ZFP36L1: variants seen among roughly 807,000 people sequenced by gnomAD.
The protein encoded by ZFP36L1 is mRNA decay activator protein ZFP36L1.
ZFP36L1 carries 4 observed loss-of-function variants against 16.7 expected under a neutral mutation model. The ratio of observed to expected loss-of-function variants is 0.24; its 90% CI spans 0.12 to 0.55. The LOEUF is 0.55. Among genes scored for constraint, ZFP36L1 ranks in the 20% least tolerant of loss-of-function variants. The probability of loss-of-function intolerance (pLI) is 0.94; values close to 1 mark genes in which losing one functional copy is unlikely to be tolerated. For synonymous variants in ZFP36L1, 220 were observed against 190.8 expected, an observed-to-expected ratio of 1.15 and a Z score of -1.26; for missense variants, 311 against 449.2, an observed-to-expected ratio of 0.69 and a Z score of 2.78.
intron 1 of ZFP36L1, among the ~76,000 whole-genome samples, chr14:68,791,929 G>A (rs981272511): frequency 6.6e-6 from 1 of 152,188 alleles, no homozygotes. Context: ...GACGTGTTAA[G>A]AGAAGGCAAA....
intron 1 of ZFP36L1, chr14:68,791,071 GA>G: frequency 1.4e-6 from 1 of 702,048 alleles, no homozygotes; most frequent in Non-Finnish European, 2.6e-6. Flanking sequence ...TTCTTGTGGG[GA>G]GGAGATTGGG....
At chr14:68,796,108 C>T (rs765641040), upstream of ZFP36L1, 2 of 1,362,900 alleles carry the variant, frequency 1.5e-6, no homozygotes, top group South Asian at 2.3e-5. Flanking sequence ...AGGCGGTGGG[C>T]CGGCTCCTCT....
At position 68,789,238 on chromosome 14, in the gene ZFP36L1, A is replaced by T; in HGVS notation, c.*295T>A. The T allele has an allele frequency of 2.7e-6, 1 of 368,188 alleles. No homozygotes were observed. The highest frequency in any genetic ancestry group is 5.0e-6 in the Non-Finnish European group (1 of 200,988). 22.8% of individuals were successfully genotyped at this position (368,188 alleles called of 1,614,324 possible). ...CTTAAGGCTTAAGCCGGAAAAAAAA[A>T]GGCATCTACTGACAAAATATGGGAC... is the stretch of plus-strand genomic sequence containing the variant. On this transcript the variant is annotated 3_prime_UTR_variant, in exon 2 of 2. Transcript: ENST00000439696. The surrounding 1 kb of genome is among the most constrained non-coding windows in gnomAD (Gnocchi z 4.5).
rs755580988 is a variant in ZFP36L1, at chr14:68,792,870, G to GCC, written c.57+10_57+11dup. The GCC allele has an allele frequency of 6.2e-7, 1 of 1,613,976 alleles. No homozygotes were observed. The highest frequency in any genetic ancestry group is 8.5e-7 in the Non-Finnish European group (1 of 1,179,928). On this transcript the variant is annotated intron_variant, in intron 1 of 1. Transcript: ENST00000439696. The stretch of plus-strand genomic sequence containing the variant: ...AGACTTTTTGAAAAGCAAATGCTCC[G>GCC]CCCCCCTTTACCTTGCATAAAACTT...
Position 68,790,495 on chromosome 14 carries a change from G to A in ZFP36L1, c.58-3C>T, listed in dbSNP as rs781601300. Reference sequence around the variant, plus strand: ...CTATAGTTGAGCATCTTGTTACCCTGGAGAGAGAAGAGAAAGGATGGTAAG... The same window carrying A: ...CTATAGTTGAGCATCTTGTTACCCTAGAGAGAGAAGAGAAAGGATGGTAAG... On this transcript the variant is annotated splice_polypyrimidine_tract_variant and splice_region_variant and intron_variant, in intron 1 of 1. Coordinates refer to ENST00000439696, the MANE Select transcript of ZFP36L1 (RefSeq NM_004926.4). The A allele has an allele frequency of 1.7e-5, 27 of 1,613,710 alleles. No individual in the cohort carries two copies. Among genetic ancestry groups the A allele is most frequent in the Middle Eastern group, 1.6e-4 (1 of 6,084 alleles).
intron 1 of ZFP36L1, 61 bp downstream of exon 1, chr14:68,792,821 G>C: frequency 2.5e-6 from 4 of 1,609,882 alleles, no homozygotes; most frequent in East Asian, 4.5e-5. Flanking sequence ...ACTTTTGGGG[G>C]TTCTTTCTTA....
At chr14:68,792,149 G>T (rs1895092998) in intron 1 of ZFP36L1, among the ~76,000 whole-genome samples, 1 of 151,904 alleles carries the variant, frequency 6.6e-6, no homozygotes. Flanking sequence ...TTACTCGCGG[G>T]ACTCTCGAGT....
intron 1 of ZFP36L1, among the ~76,000 whole-genome samples, chr14:68,792,497 A>G (rs1228952773): frequency 6.6e-6 from 1 of 152,240 alleles, no homozygotes; most frequent in Admixed American, 6.5e-5. Flanking sequence ...ATGCCGCTGG[A>G]CAGACCTAGG....
In ZFP36L1 at chr14:68,789,701, G is replaced by C. The variant is rs773306460; in HGVS notation, c.849C>G (p.Ser283=). Residue 283 remains serine, a synonymous_variant, in exon 2 of 2, where the codon TCC becomes TCG. Transcript: ENST00000439696. The surrounding 1 kb of genome is among the most constrained non-coding windows in gnomAD (Gnocchi z 4.5). ...SPTTFLFRPM[S]ESPHMFDSPP... ...GAGAGTCAAACATGTGAGGGGACTC[G>C]GACATGGGCCGGAAGAGGAAGGTGG... 3.7e-6 allele frequency: 6 copies of C among 1,613,984 alleles called. No homozygotes were observed. In the Admixed American group the frequency reaches 5.0e-5, roughly 13 times the overall value.
chr14:68,790,911 G>A, intron 1 of ZFP36L1: 2 of 586,224 alleles, frequency 3.4e-6, no homozygotes, highest in Non-Finnish European at 6.1e-6. Flanking sequence ...CCTCAGAAAG[G>A]AGTCTATCAT....
At chr14:68,795,998 G>C (rs1895244691), upstream of ZFP36L1, 1 of 1,320,888 alleles carries the variant, frequency 7.6e-7, no homozygotes. Flanking sequence ...GTGCGTGGCC[G>C]TCCCCCGCCA....
intron 1 of ZFP36L1, 151 bp downstream of exon 1, chr14:68,792,731 C>T (rs1396286135): frequency 1.7e-6 from 2 of 1,171,152 alleles, no homozygotes; most frequent in Middle Eastern, 2.8e-4. Flanking sequence ...GGGCCAAATT[C>T]CTTCAAACTT....
chr14:68,795,186 G>A (rs1895214876), upstream of ZFP36L1, among the ~76,000 whole-genome samples: 1 of 152,196 alleles, frequency 6.6e-6, no homozygotes, highest in Non-Finnish European at 1.5e-5. Flanking sequence ...TTGGTGATGA[G>A]GTAATGAGTT....
Position 68,789,079 on chromosome 14 carries a change from G to A in ZFP36L1, c.*454C>T, listed in dbSNP as rs1311422178. The stretch of plus-strand genomic sequence containing the variant: ...TGGTTCCGGGTCTCCACCCCGCCAT[G>A]GGCAGAGGCTCCGGGAGGCCCACGG... On this transcript the variant is annotated 3_prime_UTR_variant, in exon 2 of 2. Coordinates refer to ENST00000439696, the MANE Select transcript of ZFP36L1 (RefSeq NM_004926.4). The surrounding 1 kb of genome is among the most constrained non-coding windows in gnomAD (Gnocchi z 4.5). 1 of 159,138 alleles carries A rather than the reference G, an allele frequency of 6.3e-6. No individual in the cohort carries two copies. The highest frequency in any genetic ancestry group is 2.4e-5 in the African/African-American group (1 of 41,536). The allele number at this position is 159,138 out of a possible 1,614,324, so 9.9% of individuals were successfully genotyped here.
Position 68,788,721 on chromosome 14 carries a change from C to A in ZFP36L1, c.*812G>T, listed in dbSNP as rs1400367125. 6.6e-6 allele frequency: 1 copy of A among 152,352 alleles called. No homozygotes were observed. Among genetic ancestry groups the A allele is most frequent in the Non-Finnish European group, 1.5e-5 (1 of 67,992 alleles). 9.4% of individuals were successfully genotyped at this position (152,352 alleles called of 1,614,324 possible). Reference sequence around the variant, plus strand: ...CTAGTCCATCTAGCTTCCCCTTCCTCCCCACTTAAAAAAAAGAAAAAATTA... The same window carrying A: ...CTAGTCCATCTAGCTTCCCCTTCCTACCCACTTAAAAAAAAGAAAAAATTA... On this transcript the variant is annotated 3_prime_UTR_variant, in exon 2 of 2. Transcript: ENST00000439696.
In ZFP36L1 at chr14:68,789,548, G is replaced by A; in HGVS notation, c.1002C>T (p.Ser334=). The change falls in exon 2 of 2, where the codon TCC becomes TCT. Residue 334 remains serine (S), a synonymous_variant. Coordinates refer to ENST00000439696, the MANE Select transcript of ZFP36L1 (RefSeq NM_004926.4). This position sits in a 1 kb window ranked among gnomAD's most constrained non-coding sequence, Gnocchi z 4.5. The stretch of plus-strand genomic sequence containing the variant: ...CTACCCTGGCTTAGTCATCTGAGAT[G>A]GAAAGTCTGCTGAAGATGGGCAGGC... ...SRRLPIFSRL[S]ISDD The A allele has an allele frequency of 2.5e-6, 4 of 1,613,774 alleles. No individual in the cohort carries two copies. Among genetic ancestry groups the A allele is most frequent in the South Asian group, 1.1e-5 (1 of 91,026 alleles).
chr14:68,791,235 T>G, intron 1 of ZFP36L1: 1 of 558,296 alleles, frequency 1.8e-6, no homozygotes, highest in Non-Finnish European at 3.2e-6. Flanking sequence ...AGAAGATGCC[T>G]TTGCAATTAG....
chr14:68,791,341 C>G lies in ZFP36L1; in HGVS notation c.58-849G>C, dbSNP rs533072580. On this transcript the variant is annotated intron_variant, in intron 1 of 1. Coordinates refer to ENST00000439696, the MANE Select transcript of ZFP36L1 (RefSeq NM_004926.4). Reference sequence around the variant, plus strand: ...AAAGGAAAAGGAAAGCACCAACCCCCCTACCCACCTCCTAGTCAATAGCGG... The same window carrying G: ...AAAGGAAAAGGAAAGCACCAACCCCGCTACCCACCTCCTAGTCAATAGCGG... The G allele has an allele frequency of 2.4e-4, 117 of 491,668 alleles. No homozygotes were observed. The East Asian group carries it at 3.9e-3, about 16-fold the overall frequency. 30.5% of individuals were successfully genotyped at this position (491,668 alleles called of 1,614,324 possible).
chr14:68,790,577 CG>C, intron 1 of ZFP36L1, 85 bp from the exon 2 acceptor site: 3 of 1,540,062 alleles, frequency 1.9e-6, no homozygotes, highest in Non-Finnish European at 2.6e-6. Context: ...CAATCACAAA[CG>C]CCCGCTCTTT....
Sources: allele counts gnomAD v4.1 joint callset (sites outside exome capture counted in the v4.1 genomes callset), GRCh38; gene constraint gnomAD v4.1.1; non-coding constraint Gnocchi (gnomAD v3.1); transcripts MANE v1.5; gene names NCBI Gene and HGNC (gene_info 2026-07-23, HGNC 2026-07-21).